TENM4: variants seen among roughly 807,000 people sequenced by gnomAD.
TENM4 encodes the protein teneurin-4.
TENM4 carries 82 observed loss-of-function variants against 243.3 expected under a neutral mutation model. The ratio of observed to expected loss-of-function variants is 0.34; its 90% CI spans 0.28 to 0.40. The LOEUF is 0.40. Among genes scored for constraint, TENM4 ranks in the 10% least tolerant of loss-of-function variants. TENM4 has a pLI of 1.00. For synonymous variants in TENM4, 1,412 were observed against 1,456.3 expected, an observed-to-expected ratio of 0.97 and a Z score of 0.69; for missense variants, 3,138 against 3,673.3, an observed-to-expected ratio of 0.85 and a Z score of 3.77.
At chr11:78,744,916 C>T (rs912982249) in intron 19 of TENM4, among the ~76,000 whole-genome samples, 1 of 152,176 alleles carries the variant, frequency 6.6e-6, no homozygotes, top group Non-Finnish European at 1.5e-5. Context: ...TGAAAATAAT[C>T]ATTTCTAACC....
At chr11:78,762,387 A>G (rs568172031) in intron 18 of TENM4, among the ~76,000 whole-genome samples, 5 of 152,334 alleles carry the variant, frequency 3.3e-5, no homozygotes, top group Middle Eastern at 3.4e-3. Context: ...GTTTGGCCTT[A>G]GAGAACTGAA....
rs1339810029 is a variant in TENM4, at chr11:79,400,048, T to A, written c.-321+40461A>T. Among the ~76,000 whole-genome samples, 3 of 151,450 alleles carry A rather than the reference T, an allele frequency of 2.0e-5. No individual in the cohort carries two copies. In the East Asian group the frequency reaches 5.8e-4, roughly 29 times the overall value. ...TCTGCTAGAATAAATATTTGTTGAT[T>A]GATTTGGTAATCAGTTGATTCTAAA... On this transcript the variant is annotated intron_variant, in intron 1 of 33. Coordinates refer to ENST00000278550, the MANE Select transcript of TENM4 (RefSeq NM_001098816.3).
intron 6 of TENM4, among the ~76,000 whole-genome samples, chr11:78,921,402 T>C (rs630993): frequency 0.77 from 117,192 of 151,948 alleles, 49,658 homozygotes; most frequent in Non-Finnish European, 0.94. Flanking sequence ...AACTCTGTTT[T>C]TCTCTCTCTC....
chr11:79,096,290 C>T (rs1861073657), intron 4 of TENM4: 1 of 152,262 alleles, frequency 6.6e-6, no homozygotes, highest in African/African-American at 2.4e-5. Context: ...CCTGCTTCCT[C>T]TGGTGCTCGG....
chr11:79,159,871 T>A (rs1246409960), intron 3 of TENM4, among the ~76,000 whole-genome samples: 4 of 152,196 alleles, frequency 2.6e-5, no homozygotes, highest in Admixed American at 6.5e-5. Context: ...AAAGCTCATA[T>A]TCAGTTCCCC....
chr11:79,321,941 G>A (rs1242264011), intron 1 of TENM4, among the ~76,000 whole-genome samples: 1 of 152,152 alleles, frequency 6.6e-6, no homozygotes, highest in African/African-American at 2.4e-5. Context: ...GGGCAGATGA[G>A]GATGTACCAT....
At chr11:78,797,505 A>T (rs1004217062) in intron 15 of TENM4, among the ~76,000 whole-genome samples, 11 of 152,256 alleles carry the variant, frequency 7.2e-5, no homozygotes, top group African/African-American at 2.4e-4. Context: ...CAATTCTGAT[A>T]GAAAACGTTC....
At chr11:78,918,151 T>C (rs1856363367) in intron 6 of TENM4, among the ~76,000 whole-genome samples, 2 of 152,164 alleles carry the variant, frequency 1.3e-5, no homozygotes, top group South Asian at 4.1e-4. Flanking sequence ...ACCTGTACGT[T>C]TCACCTGGCA....
chr11:79,368,912 G>C (rs916977177), intron 1 of TENM4, among the ~76,000 whole-genome samples: 1 of 152,160 alleles, frequency 6.6e-6, no homozygotes, highest in Non-Finnish European at 1.5e-5. Flanking sequence ...ACAGGTACTT[G>C]GTACACAGTA....
At chr11:78,912,481 TC>T (rs1303118778) in intron 6 of TENM4, among the ~76,000 whole-genome samples, 4 of 152,192 alleles carry the variant, frequency 2.6e-5, no homozygotes, top group Non-Finnish European at 5.9e-5. Flanking sequence ...GGTCTCGAAC[TC>T]CTGACCTTGT....
At chr11:79,357,963 T>A (rs569612550) in intron 1 of TENM4, among the ~76,000 whole-genome samples, 11 of 152,324 alleles carry the variant, frequency 7.2e-5, no homozygotes, top group Middle Eastern at 3.4e-3. Context: ...TTAGGCTAAC[T>A]GAGAGATGGA....
chr11:78,705,857 G>A (rs1859235102), intron 27 of TENM4, among the ~76,000 whole-genome samples: 1 of 152,228 alleles, frequency 6.6e-6, no homozygotes. Context: ...ATCTAAAAGG[G>A]GATAACACAT....
intron 1 of TENM4, among the ~76,000 whole-genome samples, chr11:79,311,163 C>G (rs1215111883): frequency 1.3e-5 from 2 of 152,200 alleles, no homozygotes; most frequent in Non-Finnish European, 2.9e-5. Context: ...GCATTTCTAG[C>G]TTCTGACCGG....
intron 4 of TENM4, among the ~76,000 whole-genome samples, chr11:79,143,695 T>A (rs1303138043): frequency 1.3e-5 from 2 of 150,590 alleles, no homozygotes; most frequent in African/African-American, 4.9e-5. Context: ...ATAAATAAAA[T>A]AAAAAATAAA....
chr11:79,222,117 T>C (rs1368770353), intron 2 of TENM4, among the ~76,000 whole-genome samples: 5 of 152,262 alleles, frequency 3.3e-5, no homozygotes, highest in Non-Finnish European at 4.4e-5. Flanking sequence ...ATGTTCAGTC[T>C]TATGTTTGAA....
intron 9 of TENM4, among the ~76,000 whole-genome samples, chr11:78,873,843 C>G (rs1390250964): frequency 3.3e-5 from 5 of 152,108 alleles, no homozygotes; most frequent in Non-Finnish European, 4.4e-5. Context: ...GTGGATTTCT[C>G]TGTCTCTTGA....
At position 78,669,017 on chromosome 11, in the gene TENM4, T is replaced by C. The variant is rs199569704; in HGVS notation, c.7328A>G (p.Asn2443Ser). Reference protein sequence around the residue: ...HELWKHLSSSNVMPFNLYMFK... With the variant: ...HELWKHLSSSSVMPFNLYMFK... ...CATATAGAGATTAAAAGGCATGACG[T>C]TGCTGCTACTAAGGTGCTTCCACAG... The change falls in exon 32 of 34, where the codon AAC (asparagine) becomes AGC (serine). Residue 2443 changes from asparagine (N) to serine (S), a missense_variant. Physicochemically the swap from Asn to Ser is conservative, Grantham distance 46. Transcript: ENST00000278550. The surrounding 1 kb of genome is among the most constrained non-coding windows in gnomAD (Gnocchi z 6.4). 155 of 1,613,962 alleles carry C rather than the reference T, an allele frequency of 9.6e-5. 1 individual carries two copies. In the African/African-American group the frequency reaches 1.8e-3, roughly 19 times the overall value.
chr11:79,217,975 C>T (rs572718577), intron 2 of TENM4, among the ~76,000 whole-genome samples: 3 of 152,078 alleles, frequency 2.0e-5, no homozygotes, highest in Non-Finnish European at 2.9e-5. Flanking sequence ...CTCAGCCTCC[C>T]AAAGTGCTGG....
intron 18 of TENM4, among the ~76,000 whole-genome samples, chr11:78,760,804 C>T (rs1472335993): frequency 6.6e-6 from 1 of 152,146 alleles, no homozygotes; most frequent in African/African-American, 2.4e-5. Context: ...CCTTAATTTC[C>T]ATCTTTTTAT....
Sources: allele counts gnomAD v4.1 joint callset (sites outside exome capture counted in the v4.1 genomes callset), GRCh38; gene constraint gnomAD v4.1.1; non-coding constraint Gnocchi (gnomAD v3.1); transcripts MANE v1.5; gene names NCBI Gene and HGNC (gene_info 2026-07-23, HGNC 2026-07-21).